DCAF1: variants seen among roughly 807,000 people sequenced by gnomAD.
The protein encoded by DCAF1 is DDB1- and CUL4-associated factor 1.
DCAF1 carries 15 observed loss-of-function variants against 128.0 expected under a neutral mutation model. The ratio of observed to expected loss-of-function variants is 0.12; its 90% confidence interval spans 0.08 to 0.18. DCAF1 has a LOEUF of 0.18. Ranked by LOEUF, DCAF1 falls within the 10% of genes least tolerant of loss-of-function variation. DCAF1 has a pLI of 1.00. For missense variants in DCAF1, 988 were observed against 1,649.5 expected (o/e 0.60, Z 6.95); for synonymous variants, 610 against 603.0 (o/e 1.01, Z -0.17).
At position 51,416,878 on chromosome 3, in the gene DCAF1, A is replaced by G. The variant is rs781974774; in HGVS notation, c.3519-7T>C. ...ATCTTCTGTGAAGGAATGCCTATGG[A>G]CAAACAACAGGAGCACTGAAGTGAC... On this transcript the variant is annotated splice_polypyrimidine_tract_variant and splice_region_variant and intron_variant, in intron 17 of 24. Transcript: ENST00000684031. 3.1e-6 allele frequency: 5 copies of G among 1,603,632 alleles called. No homozygotes were observed. The Middle Eastern group carries it at 5.0e-4, about 159-fold the overall frequency.
intron 23 of DCAF1, among the ~76,000 whole-genome samples, chr3:51,412,109 TAAAAAAAAAA>T (rs782087400): frequency 3.4e-5 from 1 of 29,460 alleles, no homozygotes; most frequent in African/African-American, 1.4e-4. Flanking sequence ...AACTCCATTC[TAAAAAAAAAA>T]AAAAAAAAAA....
intron 3 of DCAF1, among the ~76,000 whole-genome samples, chr3:51,471,249 T>A (rs1704710943): frequency 6.6e-6 from 1 of 151,070 alleles, no homozygotes; most frequent in Admixed American, 6.7e-5. Context: ...AGTGGTGTGA[T>A]CTTGGCTCAC....
At chr3:51,503,997 G>A, upstream of DCAF1, among the ~76,000 whole-genome samples, 1 of 151,080 alleles carries the variant, frequency 6.6e-6, no homozygotes, top group Non-Finnish European at 1.5e-5. Flanking sequence ...GAGAGAGTCT[G>A]TATTGGCCTT....
intron 5 of DCAF1, among the ~76,000 whole-genome samples, chr3:51,464,980 T>C (rs555597332): frequency 9.2e-5 from 14 of 152,272 alleles, no homozygotes; most frequent in Admixed American, 4.6e-4. Flanking sequence ...CTGAAGGTAA[T>C]AGAAAGCCAT....
At chr3:51,471,837 C>A (rs573553259) in intron 3 of DCAF1, among the ~76,000 whole-genome samples, 1 of 152,120 alleles carries the variant, frequency 6.6e-6, no homozygotes, top group Admixed American at 6.6e-5. Context: ...CCACTGCACT[C>A]CAGCCCGGGC....
Position 51,466,799 on chromosome 3 carries a change from C to G in DCAF1, c.261+4G>C. ...CGCTGGAGAAAAGTAAGAAGCAAAC[C>G]TACTGCATTCATGAAATCATCATTC... is the stretch of plus-strand genomic sequence containing the variant. On this transcript the variant is annotated splice_donor_region_variant and intron_variant, in intron 5 of 24. Transcript: ENST00000684031. 1 of 1,613,094 alleles carries G rather than the reference C, an allele frequency of 6.2e-7. No homozygotes were observed. The highest frequency in any genetic ancestry group is 8.5e-7 in the Non-Finnish European group (1 of 1,179,330).
chr3:51,407,519 G>A (rs780433005), intron 23 of DCAF1, among the ~76,000 whole-genome samples: 5 of 152,130 alleles, frequency 3.3e-5, no homozygotes, highest in Admixed American at 6.5e-5. Context: ...AAAATGGAGT[G>A]GAAAACAGAG....
intron 9 of DCAF1, among the ~76,000 whole-genome samples, chr3:51,438,907 C>A (rs897418435): frequency 6.6e-6 from 1 of 151,940 alleles, no homozygotes; most frequent in Middle Eastern, 3.2e-3. Flanking sequence ...CACCGCGCTG[C>A]GCCGAAGTGT....
At position 51,420,807 on chromosome 3, in the gene DCAF1, G is replaced by A; in HGVS notation, c.2163C>T (p.Thr721=). The A allele has an allele frequency of 6.2e-7, 1 of 1,613,980 alleles. No individual in the cohort carries two copies. The highest frequency in any genetic ancestry group is 8.5e-7 in the Non-Finnish European group (1 of 1,179,890). ...LPQNPKSSEH[T]LAKMWNVVQS... ...GAACCACATTCCACATCTTGGCCAG[G>A]GTGTGCTCACTGCTTTTAGGGTTCT... The change falls in exon 15 of 25, where the codon ACC becomes ACT. Residue 721 remains threonine, a synonymous_variant. Coordinates refer to ENST00000684031, the MANE Select transcript of DCAF1 (RefSeq NM_001387579.1). The surrounding 1 kb of genome is among the most constrained non-coding windows in gnomAD (Gnocchi z 6.5).
intron 12 of DCAF1, among the ~76,000 whole-genome samples, chr3:51,428,191 T>C (rs535335390): frequency 6.6e-6 from 1 of 152,160 alleles, no homozygotes; most frequent in East Asian, 1.9e-4. Flanking sequence ...TGTGACTTTT[T>C]TTTTTCTTGA....
chr3:51,484,507 C>A (rs1706679864), intron 2 of DCAF1, among the ~76,000 whole-genome samples: 1 of 151,786 alleles, frequency 6.6e-6, no homozygotes, highest in Non-Finnish European at 1.5e-5. Context: ...CTAATGCCTA[C>A]CTGTAATATA....
chr3:51,475,670 G>A (rs1705347028), intron 3 of DCAF1, among the ~76,000 whole-genome samples: 1 of 152,146 alleles, frequency 6.6e-6, no homozygotes, highest in African/African-American at 2.4e-5. Context: ...GACCATCCTG[G>A]CTAACACGGC....
intron 6 of DCAF1, among the ~76,000 whole-genome samples, chr3:51,459,449 T>G (rs1359027016): frequency 3.9e-5 from 6 of 152,098 alleles, no homozygotes; most frequent in Non-Finnish European, 7.4e-5. Context: ...CAGGACCAGA[T>G]GGATTCACAG....
Position 51,463,180 on chromosome 3 carries a change from A to G in DCAF1, c.309T>C (p.Thr103=), listed in dbSNP as rs145171889. The part of the protein sequence containing the change: ...VMTSREPPLN[T]AACRLLLDIM... ...TGTCTAATAGGAGTCTGCAAGCTGCAGTGTTTAAAGGGGGCTCTCGGCTTG... is the reference window on the plus strand; with the variant it reads ...TGTCTAATAGGAGTCTGCAAGCTGCGGTGTTTAAAGGGGGCTCTCGGCTTG... Residue 103 remains threonine, a synonymous_variant, in exon 6 of 25, where the codon ACT becomes ACC. Coordinates refer to ENST00000684031, the MANE Select transcript of DCAF1 (RefSeq NM_001387579.1). 1.5e-4 allele frequency: 247 copies of G among 1,597,792 alleles called. No individual in the cohort carries two copies. The East Asian group carries it at 5.6e-3, about 36-fold the overall frequency.
At chr3:51,470,684 G>C (rs782564212) in intron 4 of DCAF1, among the ~76,000 whole-genome samples, 1 of 152,076 alleles carries the variant, frequency 6.6e-6, no homozygotes, top group Non-Finnish European at 1.5e-5. Context: ...TGTGATATTC[G>C]ATTGGCAAAT....
At chr3:51,466,677 T>C in intron 5 of DCAF1, 126 bp downstream of exon 5, 3 of 844,456 alleles carry the variant, frequency 3.6e-6, no homozygotes, top group South Asian at 1.8e-5. Context: ...AACCAGGACT[T>C]TGGCAAAAAA....
At chr3:51,427,006 T>C (rs1347276793) in intron 13 of DCAF1, among the ~76,000 whole-genome samples, 1 of 152,166 alleles carries the variant, frequency 6.6e-6, no homozygotes, top group Non-Finnish European at 1.5e-5. Context: ...ATATAAACAT[T>C]ATATATGGTT....
At chr3:51,429,890 G>GAA (rs112905156) in intron 11 of DCAF1, 143 bp downstream of exon 11, 453 of 474,986 alleles carry the variant, frequency 9.5e-4, no homozygotes, top group South Asian at 1.7e-3. Context: ...TGAAGAAAGG[G>GAA]AAAAAAAAAA....
chr3:51,427,506 C>A lies in DCAF1; in HGVS notation c.1713G>T (p.Met571Ile). 1 of 772,328 alleles carries A rather than the reference C, an allele frequency of 1.3e-6. No homozygotes were observed. The highest frequency in any genetic ancestry group is 2.4e-6 in the Non-Finnish European group (1 of 413,934). The allele number at this position is 772,328 out of a possible 1,614,324, so 47.8% of individuals were successfully genotyped here. A position where few individuals can be genotyped will look rare whatever the true frequency, so the allele number is the denominator to read the frequency against. ...GGCCATATTCTATCAAAAATTCCAT[C>A]ATTTCCACAATCTGTTCATGAGTAT... Reference protein sequence around the residue: ...CSYTHEQIVEMMEFLIEYGPA... With the variant: ...CSYTHEQIVEIMEFLIEYGPA... Residue 571 changes from methionine (M) to isoleucine (I), a missense_variant, in exon 13 of 25, where the codon ATG becomes ATT. Coordinates refer to ENST00000684031, the MANE Select transcript of DCAF1 (RefSeq NM_001387579.1).
Sources: gnomAD v4.1 joint callset for allele counts (sites outside exome capture counted in the v4.1 genomes callset) on GRCh38, gnomAD v4.1.1 for gene constraint, Gnocchi (gnomAD v3.1) non-coding constraint, MANE v1.5 for transcripts, NCBI Gene and HGNC (gene_info 2026-07-23, HGNC 2026-07-21) for gene names.